The following GPHN variants were observed in gnomAD, a reference collection of about 807,000 sequenced individuals.
GPHN encodes the protein gephyrin.
A neutral mutation model predicts 95.5 loss-of-function variants in GPHN; 17 were observed. That is an observed-to-expected ratio of 0.18 (90% CI 0.12 to 0.27). The LOEUF (loss-of-function observed/expected upper bound fraction) is 0.27. GPHN is among the 10% of genes least tolerant of loss of function. The pLI is 1.00. For synonymous variants in GPHN, 320 were observed against 322.5 expected, an observed-to-expected ratio of 0.99 and a Z score of 0.08; for missense variants, 660 against 978.1, an observed-to-expected ratio of 0.67 and a Z score of 4.34.
chr14:67,590,124 G>A, the GPHN span: 1 of 1,551,202 alleles, frequency 6.4e-7, no homozygotes, highest in Non-Finnish European at 8.7e-7. Context: ...AGGATCTCCT[G>A]GCAGCTCCTG....
intron 11 of GPHN, among the ~76,000 whole-genome samples, chr14:67,071,209 A>G (rs2076292614): frequency 6.6e-6 from 1 of 152,184 alleles, no homozygotes; most frequent in East Asian, 1.9e-4. Flanking sequence ...CACTATTCAC[A>G]ATAGCAAAGA....
rs551302010 is a variant in GPHN at position 67,041,265 on chromosome 14, G to A, written c.1007-17384G>A. Among the ~76,000 whole-genome samples, 44 of 151,228 alleles carry A rather than the reference G, an allele frequency of 2.9e-4. 2 individuals carry two copies. In the South Asian group the frequency reaches 8.8e-3, roughly 30 times the overall value. On this transcript the variant is annotated intron_variant, in intron 10 of 22. Transcript: ENST00000478722. ...TAAGTTCTGGGGTACATGTGTAGAAGGTGCACTTTTTTTACATAGGTATAC... is the reference window on the plus strand; with the variant it reads ...TAAGTTCTGGGGTACATGTGTAGAAAGTGCACTTTTTTTACATAGGTATAC...
the GPHN span, among the ~76,000 whole-genome samples, chr14:67,304,246 T>C: frequency 0.012 from 1,835 of 152,290 alleles, 19 homozygotes; most frequent in Non-Finnish European, 0.018. Flanking sequence ...GCTAGATCTG[T>C]TAAAAGTCAG....
the GPHN span, chr14:67,677,570 TTC>T: frequency 6.6e-6 from 1 of 152,024 alleles, no homozygotes; most frequent in African/African-American, 2.4e-5. Flanking sequence ...AGTATTCTCC[TTC>T]TCTTTTTTTA....
chr14:67,135,218 C>T (rs2080001433), intron 17 of GPHN, among the ~76,000 whole-genome samples: 1 of 152,062 alleles, frequency 6.6e-6, no homozygotes, highest in Non-Finnish European at 1.5e-5. Context: ...CCTTGGCCTC[C>T]CAAAGTGCTG....
At chr14:66,757,119 T>C (rs958720346) in intron 2 of GPHN, among the ~76,000 whole-genome samples, 3 of 152,214 alleles carry the variant, frequency 2.0e-5, no homozygotes, top group African/African-American at 7.2e-5. Flanking sequence ...AGTGGTTATG[T>C]ATGAGGTGGA....
At chr14:67,522,058 C>T in the GPHN span, among the ~76,000 whole-genome samples, 2 of 152,172 alleles carry the variant, frequency 1.3e-5, no homozygotes, top group African/African-American at 4.8e-5. Flanking sequence ...CCTGTTATCC[C>T]AGCTACTGGG....
chr14:67,509,470 C>T, the GPHN span, among the ~76,000 whole-genome samples: 13 of 152,274 alleles, frequency 8.5e-5, no homozygotes, highest in East Asian at 1.9e-3. Flanking sequence ...AGGCACGAGC[C>T]GCCATGCACA....
At chr14:66,797,021 C>CTTTTT (rs369681377) in intron 3 of GPHN, among the ~76,000 whole-genome samples, 7 of 81,214 alleles carry the variant, frequency 8.6e-5, no homozygotes, top group East Asian at 3.3e-4. Context: ...TATCTAGTTC[C>CTTTTT]TTTTTTTTTT....
chr14:66,965,880 C>CTT (rs11369620), intron 9 of GPHN, among the ~76,000 whole-genome samples: 27 of 150,902 alleles, frequency 1.8e-4, no homozygotes, highest in East Asian at 1.2e-3. Flanking sequence ...GTTTCTTAGT[C>CTT]TTTTTTTTTA....
In GPHN at chr14:66,681,897, A is replaced by G. The variant is rs2066957075; in HGVS notation, c.143+712A>G. Among the ~76,000 whole-genome samples the G allele has an allele frequency of 3.3e-5, 5 of 152,218 alleles. No individual in the cohort carries two copies. The South Asian group carries it at 1.0e-3, about 31-fold the overall frequency. ...TAAGCCTGCGAAGCAGAGTAAAGAA[A>G]ATTGAATACTGCCAGGTGCCTTCTA... is the stretch of plus-strand genomic sequence containing the variant. On this transcript the variant is annotated intron_variant, in intron 2 of 22. Coordinates refer to ENST00000478722, the MANE Select transcript of GPHN (RefSeq NM_020806.5).
intron 9 of GPHN, among the ~76,000 whole-genome samples, chr14:66,999,649 C>T (rs939612269): frequency 8.6e-5 from 13 of 151,164 alleles, no homozygotes; most frequent in Non-Finnish European, 1.3e-4. Flanking sequence ...TCCCTTCAAG[C>T]AAAGTGAAAA....
At chr14:67,079,972 T>C (rs903806034) in intron 11 of GPHN, among the ~76,000 whole-genome samples, 3 of 152,098 alleles carry the variant, frequency 2.0e-5, no homozygotes, top group African/African-American at 7.2e-5. Context: ...ATGATAGTTC[T>C]ATTTTTAATT....
chr14:67,339,444 A>T, the GPHN span, among the ~76,000 whole-genome samples: 2 of 152,258 alleles, frequency 1.3e-5, no homozygotes, highest in South Asian at 4.1e-4. Flanking sequence ...AAGATTATAG[A>T]CCATAGTTAG....
chr14:66,963,993 C>G (rs2069144957), intron 8 of GPHN, among the ~76,000 whole-genome samples: 1 of 152,120 alleles, frequency 6.6e-6, no homozygotes, highest in African/African-American at 2.4e-5. Flanking sequence ...TCATATGTTT[C>G]AAGTCTTGCG....
chr14:67,134,147 G>C (rs1489205364), intron 17 of GPHN, among the ~76,000 whole-genome samples: 1 of 152,162 alleles, frequency 6.6e-6, no homozygotes, highest in Non-Finnish European at 1.5e-5. Flanking sequence ...TTCACCCAAG[G>C]GGGTGTTAAG....
intron 2 of GPHN, among the ~76,000 whole-genome samples, chr14:66,699,052 A>G (rs2068316119): frequency 6.6e-6 from 1 of 152,254 alleles, no homozygotes; most frequent in South Asian, 2.1e-4. Flanking sequence ...CAAGGTAATG[A>G]AAAGAGTACT....
At chr14:66,775,794 G>A (rs1293012745) in intron 2 of GPHN, among the ~76,000 whole-genome samples, 2 of 152,182 alleles carry the variant, frequency 1.3e-5, no homozygotes, top group Non-Finnish European at 2.9e-5. Context: ...AGTTGAATAT[G>A]ACGTATAATG....
the GPHN span, among the ~76,000 whole-genome samples, chr14:67,465,200 G>A: frequency 2.0e-5 from 3 of 152,248 alleles, no homozygotes; most frequent in Admixed American, 6.5e-5. Flanking sequence ...GCAGAGCGAG[G>A]GGAAGCTCCA....
Sources: gnomAD v4.1 joint callset for allele counts (sites outside exome capture counted in the v4.1 genomes callset) on GRCh38, gnomAD v4.1.1 for gene constraint, MANE v1.5 for transcripts, NCBI Gene and HGNC (gene_info 2026-07-23, HGNC 2026-07-21) for gene names.